The following MAPK10 variants were observed in gnomAD, a reference collection of about 807,000 sequenced individuals.
The protein encoded by MAPK10 is mitogen-activated protein kinase 10.
A neutral mutation model predicts 59.3 loss-of-function variants in MAPK10; 25 were observed. The ratio of observed to expected loss-of-function variants is 0.42; its 90% CI spans 0.31 to 0.59. The LOEUF (loss-of-function observed/expected upper bound fraction) is 0.59. Among genes scored for constraint, MAPK10 ranks in the 20% least tolerant of loss-of-function variants. The probability of loss-of-function intolerance (pLI) is 0.15; values close to 1 mark genes in which losing one functional copy is unlikely to be tolerated. For missense variants in MAPK10, 351 were observed against 568.9 expected (o/e 0.62, Z 3.90); for synonymous variants, 190 against 200.5 (o/e 0.95, Z 0.44).
chr4:86,149,995 A>G (rs2065997320), intron 4 of MAPK10, among the ~76,000 whole-genome samples: 1 of 152,148 alleles, frequency 6.6e-6, no homozygotes, highest in Admixed American at 6.5e-5. Context: ...ATATTACAGA[A>G]AAGTAAAAAA....
At chr4:86,097,351 C>T (rs112506693) in intron 9 of MAPK10, among the ~76,000 whole-genome samples, 2 of 152,086 alleles carry the variant, frequency 1.3e-5, no homozygotes, top group African/African-American at 4.8e-5. Context: ...TACCTAAATA[C>T]AAGCTTATTA....
At chr4:86,228,073 G>GT (rs1232602169) in intron 2 of MAPK10, among the ~76,000 whole-genome samples, 5 of 152,206 alleles carry the variant, frequency 3.3e-5, no homozygotes, top group African/African-American at 7.2e-5. Context: ...GAAAGGCAGG[G>GT]TAGGTACACT....
intron 1 of MAPK10, among the ~76,000 whole-genome samples, chr4:86,548,177 G>A (rs1178803514): frequency 6.6e-6 from 1 of 152,074 alleles, no homozygotes; most frequent in Non-Finnish European, 1.5e-5. Flanking sequence ...CCTGAAGCCA[G>A]CGAGACCACG....
chr4:86,135,344 G>T (rs1050659500), intron 4 of MAPK10, among the ~76,000 whole-genome samples: 2 of 152,310 alleles, frequency 1.3e-5, no homozygotes, highest in South Asian at 2.1e-4. Flanking sequence ...GATCTGAGAA[G>T]GGGCAGACTG....
At chr4:86,182,280 G>T (rs2077091191) in intron 3 of MAPK10, among the ~76,000 whole-genome samples, 1 of 151,900 alleles carries the variant, frequency 6.6e-6, no homozygotes, top group Non-Finnish European at 1.5e-5. Flanking sequence ...TAAGAATTAA[G>T]GTAAAAACTA....
intron 1 of MAPK10, among the ~76,000 whole-genome samples, chr4:86,407,208 CAT>C (rs1744468577): frequency 6.6e-6 from 1 of 152,098 alleles, no homozygotes; most frequent in Non-Finnish European, 1.5e-5. Context: ...AAGTCTTTGA[CAT>C]GTGTTATTAT....
chr4:86,146,374 A>G (rs1331516083), intron 4 of MAPK10, among the ~76,000 whole-genome samples: 1 of 152,226 alleles, frequency 6.6e-6, no homozygotes, highest in African/African-American at 2.4e-5. Flanking sequence ...ATACAAGGTT[A>G]TGTAGAAGCT....
At chr4:86,393,102 C>G (rs929166248) in intron 1 of MAPK10, among the ~76,000 whole-genome samples, 2 of 152,102 alleles carry the variant, frequency 1.3e-5, no homozygotes, top group African/African-American at 4.8e-5. Flanking sequence ...CATCTAAATG[C>G]TTTATGTGGA....
At chr4:86,585,799 T>C (rs1578187410) in intron 1 of MAPK10, among the ~76,000 whole-genome samples, 1 of 152,262 alleles carries the variant, frequency 6.6e-6, no homozygotes, top group East Asian at 1.9e-4. Flanking sequence ...CTCCTAAGTT[T>C]TCTACTAGAC....
intron 1 of MAPK10, among the ~76,000 whole-genome samples, chr4:86,549,902 A>G (rs1038637547): frequency 3.9e-5 from 6 of 152,158 alleles, no homozygotes; most frequent in Non-Finnish European, 4.4e-5. Context: ...GGAGAGGAGA[A>G]AGACAACATA....
intron 1 of MAPK10, among the ~76,000 whole-genome samples, chr4:86,584,055 A>G (rs1253667391): frequency 1.3e-5 from 2 of 152,152 alleles, no homozygotes; most frequent in Admixed American, 6.5e-5. Context: ...GTGTGTGTGC[A>G]TGCATGGGTG....
chr4:86,396,481 A>G (rs776064093), intron 1 of MAPK10, among the ~76,000 whole-genome samples: 7 of 152,242 alleles, frequency 4.6e-5, no homozygotes, highest in Non-Finnish European at 1.0e-4. Flanking sequence ...ACTATGTGTA[A>G]AATACACTCT....
chr4:86,343,657 C>T (rs1443821879), intron 2 of MAPK10, among the ~76,000 whole-genome samples: 2 of 152,066 alleles, frequency 1.3e-5, no homozygotes, highest in South Asian at 2.1e-4. Context: ...AAACTAATTC[C>T]AAATAATATG....
chr4:86,539,601 A>G (rs944072125), intron 1 of MAPK10, among the ~76,000 whole-genome samples: 1 of 152,214 alleles, frequency 6.6e-6, no homozygotes, highest in African/African-American at 2.4e-5. Flanking sequence ...CTGTTCCTAT[A>G]AACTAATGAG....
chr4:86,504,147 G>T lies in MAPK10; in HGVS notation c.-263+89763C>A, dbSNP rs72868868. Reference sequence around the variant, plus strand: ...AGTTATTTGTGTAATATTTTTTATTGTCTGTCTCTTCTCACTAAAATATAA... The same window carrying T: ...AGTTATTTGTGTAATATTTTTTATTTTCTGTCTCTTCTCACTAAAATATAA... On this transcript the variant is annotated intron_variant, in intron 1 of 4. Transcript: ENST00000502302. Among the ~76,000 whole-genome samples the T allele has an allele frequency of 1.3e-3, 200 of 152,068 alleles. 1 individual carries two copies. The highest frequency in any genetic ancestry group is 4.7e-3 in the African/African-American group (193 of 41,498).
intron 13 of MAPK10, among the ~76,000 whole-genome samples, chr4:86,025,968 C>G (rs1447868198): frequency 6.6e-6 from 1 of 151,984 alleles, no homozygotes; most frequent in Non-Finnish European, 1.5e-5. Context: ...GATCTTGAGC[C>G]ACAATTTGTC....
At chr4:86,427,703 C>G (rs1747488503) in intron 1 of MAPK10, among the ~76,000 whole-genome samples, 1 of 152,172 alleles carries the variant, frequency 6.6e-6, no homozygotes, top group Admixed American at 6.5e-5. Flanking sequence ...GGACTAACTT[C>G]TATAAACAAA....
intron 2 of MAPK10, among the ~76,000 whole-genome samples, chr4:86,319,618 G>A (rs766634800): frequency 6.6e-6 from 1 of 151,972 alleles, no homozygotes; most frequent in Non-Finnish European, 1.5e-5. Context: ...GACTTTTTTT[G>A]GCAGCAACCT....
intron 1 of MAPK10, among the ~76,000 whole-genome samples, chr4:86,573,979 G>C (rs191030163): frequency 9.1e-4 from 139 of 152,162 alleles, no homozygotes; most frequent in Non-Finnish European, 1.6e-3. Context: ...TATGTATACA[G>C]GTGCCATGCT....
Sources: allele counts gnomAD v4.1 joint callset (sites outside exome capture counted in the v4.1 genomes callset), GRCh38; gene constraint gnomAD v4.1.1; transcripts MANE v1.5; gene names NCBI Gene and HGNC (gene_info 2026-07-23, HGNC 2026-07-21).